Variants in AUTS2 observed in about 807,000 individuals in gnomAD.
AUTS2 encodes activator of transcription and developmental regulator AUTS2.
AUTS2 carries 17 observed loss-of-function variants against 112.4 expected under a neutral mutation model. The observed-to-expected ratio is 0.15, with a 90% CI of 0.10 to 0.23. The LOEUF (loss-of-function observed/expected upper bound fraction) is 0.23. Ranked by LOEUF, AUTS2 falls within the 10% of genes least tolerant of loss-of-function variation. AUTS2 has a pLI of 1.00. For missense variants in AUTS2, 1,510 were observed against 1,701.6 expected (o/e 0.89, Z 1.98); for synonymous variants, 751 against 702.7 (o/e 1.07, Z -1.09).
chr7:70,499,341 G>A (rs1798684192), intron 5 of AUTS2, among the ~76,000 whole-genome samples: 2 of 152,198 alleles, frequency 1.3e-5, no homozygotes, highest in South Asian at 4.1e-4. Flanking sequence ...TTAGTGGCTG[G>A]AGGAGTTCCA....
chr7:70,219,653 C>T (rs995645445), intron 4 of AUTS2, among the ~76,000 whole-genome samples: 2 of 151,214 alleles, frequency 1.3e-5, no homozygotes, highest in African/African-American at 4.9e-5. Context: ...CTCACTGCAG[C>T]CTCTGCCTCC....
At chr7:70,771,453 T>C in intron 10 of AUTS2, 96 bp from the exon 11 acceptor site, 2 of 992,656 alleles carry the variant, frequency 2.0e-6, no homozygotes, top group South Asian at 1.7e-5. Context: ...ATTACGTGGC[T>C]TGCTCATGTC....
intron 1 of AUTS2, among the ~76,000 whole-genome samples, chr7:69,723,693 C>T (rs1799083001): frequency 6.6e-6 from 1 of 152,136 alleles, no homozygotes; most frequent in African/African-American, 2.4e-5. Flanking sequence ...AACCACTGGT[C>T]AACTTTTCTG....
At chr7:70,750,810 A>G (rs1458334821) in intron 6 of AUTS2, among the ~76,000 whole-genome samples, 1 of 152,372 alleles carries the variant, frequency 6.6e-6, no homozygotes, top group East Asian at 1.9e-4. Flanking sequence ...AAATACAATC[A>G]TCAGATGCAA....
At chr7:69,668,320 T>C (rs1228144247) in intron 1 of AUTS2, among the ~76,000 whole-genome samples, 1 of 152,224 alleles carries the variant, frequency 6.6e-6, no homozygotes, top group Non-Finnish European at 1.5e-5. Context: ...GATTATAATG[T>C]AGCGTTAGTA....
chr7:69,691,974 C>G (rs1797368154), intron 1 of AUTS2, among the ~76,000 whole-genome samples: 1 of 152,172 alleles, frequency 6.6e-6, no homozygotes, highest in African/African-American at 2.4e-5. Context: ...ATGCCTCAGT[C>G]TTGGTCTCCT....
intron 4 of AUTS2, among the ~76,000 whole-genome samples, chr7:70,156,434 C>T (rs4318956): frequency 0.22 from 32,994 of 151,974 alleles, 3,570 homozygotes; most frequent in Middle Eastern, 0.32. Context: ...TGAAGTAGGA[C>T]TGTAGATAAT....
At chr7:70,152,619 A>G (rs1337486346) in intron 4 of AUTS2, among the ~76,000 whole-genome samples, 1 of 152,144 alleles carries the variant, frequency 6.6e-6, no homozygotes, top group Non-Finnish European at 1.5e-5. Context: ...AAGGACTTTT[A>G]TGCACAATAT....
chr7:70,561,314 C>T (rs1801475309), intron 5 of AUTS2, among the ~76,000 whole-genome samples: 1 of 152,158 alleles, frequency 6.6e-6, no homozygotes, highest in Non-Finnish European at 1.5e-5. Context: ...TAATAGAATG[C>T]CTCATCCAAA....
intron 2 of AUTS2, among the ~76,000 whole-genome samples, chr7:70,102,039 T>A (rs140497636): frequency 6.6e-6 from 1 of 152,186 alleles, no homozygotes; most frequent in Admixed American, 6.5e-5. Flanking sequence ...ACATTTTGGT[T>A]TAAAGACTTC....
At chr7:69,772,307 A>G (rs1482669577) in intron 1 of AUTS2, among the ~76,000 whole-genome samples, 1 of 152,224 alleles carries the variant, frequency 6.6e-6, no homozygotes, top group East Asian at 1.9e-4. Context: ...TTGCCCTATA[A>G]TCTTAAGTGT....
chr7:69,752,895 C>A (rs1200423749), intron 1 of AUTS2, among the ~76,000 whole-genome samples: 1 of 152,134 alleles, frequency 6.6e-6, no homozygotes, highest in Non-Finnish European at 1.5e-5. Context: ...GGGACTGGAA[C>A]AGCAGCTGTG....
intron 2 of AUTS2, among the ~76,000 whole-genome samples, chr7:69,902,467 A>C (rs1795005544): frequency 6.6e-6 from 1 of 152,172 alleles, no homozygotes; most frequent in East Asian, 1.9e-4. Context: ...GTTATTGAGA[A>C]CTACAGATGA....
chr7:69,868,789 G>C (rs1470315772), intron 1 of AUTS2, among the ~76,000 whole-genome samples: 3 of 152,112 alleles, frequency 2.0e-5, no homozygotes, highest in Non-Finnish European at 4.4e-5. Context: ...CTTGATCTTA[G>C]GCCTTTTGGG....
chr7:70,791,046 A>C lies in AUTS2; in HGVS notation c.*50A>C. On this transcript the variant is annotated 3_prime_UTR_variant, in exon 19 of 19. Coordinates refer to ENST00000342771, the MANE Select transcript of AUTS2 (RefSeq NM_015570.4). ...GAAGAAGAAACCCTAGGCAGACACC[A>C]GGCCAGGCTTGAGAGACAGAACTCC... The C allele has an allele frequency of 2.8e-6, 4 of 1,440,210 alleles. No individual in the cohort carries two copies. The highest frequency in any genetic ancestry group is 3.6e-6 in the Non-Finnish European group (4 of 1,101,334). 89.2% of individuals were successfully genotyped at this position (1,440,210 alleles called of 1,614,324 possible).
chr7:70,616,840 A>G (rs1804398418), intron 5 of AUTS2, among the ~76,000 whole-genome samples: 1 of 148,290 alleles, frequency 6.7e-6, no homozygotes, highest in Non-Finnish European at 1.5e-5. Flanking sequence ...TGATGGCACT[A>G]TTGATGGAAC....
chr7:69,901,722 A>G (rs1244206431), intron 2 of AUTS2, among the ~76,000 whole-genome samples: 2 of 152,238 alleles, frequency 1.3e-5, no homozygotes, highest in African/African-American at 2.4e-5. Context: ...GTTGATGCCA[A>G]AATATGTTAT....
At chr7:70,617,103 C>A (rs10263367) in intron 5 of AUTS2, among the ~76,000 whole-genome samples, 2 of 151,982 alleles carry the variant, frequency 1.3e-5, no homozygotes, top group African/African-American at 4.8e-5. Flanking sequence ...CACTGTGTTG[C>A]TTCAGTGGCT....
rs1803161433 is a variant in AUTS2 at position 70,595,678 on chromosome 7, C to T, written c.691-102891C>T. Among the ~76,000 whole-genome samples the T allele has an allele frequency of 2.6e-5, 4 of 152,340 alleles. 1 individual carries two copies. The South Asian group carries it at 8.3e-4, about 32-fold the overall frequency. ...TTCATCCTTTCTGCTTCAGTTCCCT[C>T]CTCTGTAACATGAAGTTGGAGTAGA... On this transcript the variant is annotated intron_variant, in intron 5 of 18. Coordinates refer to ENST00000342771, the MANE Select transcript of AUTS2 (RefSeq NM_015570.4).
Sources: allele counts gnomAD v4.1 joint callset (sites outside exome capture counted in the v4.1 genomes callset), GRCh38; gene constraint gnomAD v4.1.1; transcripts MANE v1.5; gene names NCBI Gene and HGNC (gene_info 2026-07-23, HGNC 2026-07-21).